Variants in PYGB observed in about 807,000 individuals in gnomAD.
The protein encoded by PYGB is glycogen phosphorylase, brain form.
A neutral mutation model predicts 94.3 loss-of-function variants in PYGB; 82 were observed. That is an observed-to-expected ratio of 0.87 (90% CI 0.73 to 1.04). The LOEUF is 1.04. Among genes scored for constraint, PYGB ranks in the 50% least tolerant of loss-of-function variants. PYGB has a pLI of 0.00. For missense variants in PYGB, 1,132 were observed against 1,158.2 expected (o/e 0.98, Z 0.33); for synonymous variants, 488 against 479.1 (o/e 1.02, Z -0.24).
intron 6 of PYGB, 117 bp downstream of exon 6, chr20:25,276,874 C>T: frequency 1.1e-6 from 1 of 895,706 alleles, no homozygotes. Context: ...GCGCGGCCCT[C>T]CTCTAGGGTG....
intron 1 of PYGB, among the ~76,000 whole-genome samples, chr20:25,253,859 A>T (rs1208113869): frequency 1.3e-5 from 2 of 151,882 alleles, no homozygotes; most frequent in Non-Finnish European, 2.9e-5. Flanking sequence ...TCTCCGAATC[A>T]TTTGAAAGTA....
intron 15 of PYGB, among the ~76,000 whole-genome samples, chr20:25,289,574 A>T (rs2088447375): frequency 6.6e-6 from 1 of 151,990 alleles, no homozygotes; most frequent in Admixed American, 6.6e-5. Flanking sequence ...GTCCTGGGTG[A>T]TTGAGGCTAT....
rs34204571 is a variant in PYGB, at chr20:25,266,252, ATTT to A, written c.346-2866_346-2864del. Reference sequence around the variant, plus strand: ...AGTTTGGTGTCATATAGATCAATTGATTTTTTTTTTTTTAAAGGAAATAGGTAC... The same window carrying A: ...AGTTTGGTGTCATATAGATCAATTGATTTTTTTTTTAAAGGAAATAGGTAC... On this transcript the variant is annotated intron_variant, in intron 2 of 19. Coordinates refer to ENST00000216962, the MANE Select transcript of PYGB (RefSeq NM_002862.4). 5.4e-5 allele frequency among the ~76,000 whole-genome samples: 8 copies of A among 149,338 alleles called. No individual in the cohort carries two copies. The East Asian group carries it at 1.6e-3, about 29-fold the overall frequency.
intron 14 of PYGB, among the ~76,000 whole-genome samples, chr20:25,284,666 T>TC (rs1395274469): frequency 6.6e-6 from 1 of 152,242 alleles, no homozygotes; most frequent in African/African-American, 2.4e-5. Context: ...CCTCAAGTGA[T>TC]CTACCCACTT....
intron 14 of PYGB, 74 bp downstream of exon 14, chr20:25,284,325 A>G: frequency 1.3e-6 from 2 of 1,544,162 alleles, no homozygotes; most frequent in Non-Finnish European, 1.8e-6. Context: ...CTGTGCACAG[A>G]CCCTGGGCCT....
chr20:25,280,504 T>TA, intron 10 of PYGB, 92 bp downstream of exon 10: 1 of 1,478,914 alleles, frequency 6.8e-7, no homozygotes, highest in Non-Finnish European at 9.2e-7. Context: ...GCTTTGCTCC[T>TA]TGAACGAGGC....
At position 25,248,309 on chromosome 20, in the gene PYGB, G is replaced by A. The variant is rs1269082189; in HGVS notation, c.131G>A (p.Arg44His). The A allele has an allele frequency of 3.1e-6, 5 of 1,604,350 alleles. No individual in the cohort carries two copies. The highest frequency in any genetic ancestry group is 2.3e-5 in the East Asian group (1 of 44,024). The part of the protein sequence containing the change: ...RHLHFTLVKD[R>H]NVATPRDYFF... ...TTGCACTTCACGCTGGTCAAGGACC[G>A]CAATGTGGCCACGCCCCGCGACTAC... The change falls in exon 1 of 20, where the codon CGC becomes CAC. Residue 44 changes from arginine (R) to histidine (H), a missense_variant. Physicochemically the swap from Arg to His is conservative, Grantham distance 29. Coordinates refer to ENST00000216962, the MANE Select transcript of PYGB (RefSeq NM_002862.4).
intron 5 of PYGB, among the ~76,000 whole-genome samples, chr20:25,275,414 G>A (rs764059653): frequency 5.3e-5 from 8 of 152,242 alleles, no homozygotes; most frequent in Non-Finnish European, 1.0e-4. Flanking sequence ...GGCAGGAGAG[G>A]CTGCAGGAGA....
At chr20:25,284,819 A>G (rs2088403189) in intron 14 of PYGB, 1 of 152,348 alleles carries the variant, frequency 6.6e-6, no homozygotes, top group Non-Finnish European at 1.5e-5. Flanking sequence ...GTATACTTAC[A>G]AAAATTAAGA....
At chr20:25,249,224 A>G (rs1186455152) in intron 1 of PYGB, among the ~76,000 whole-genome samples, 3 of 144,416 alleles carry the variant, frequency 2.1e-5, no homozygotes, top group Non-Finnish European at 4.8e-5. Context: ...AAAAAGTATA[A>G]TGCACATACA....
At chr20:25,284,025 A>G in intron 13 of PYGB, 79 bp from the exon 14 acceptor site, 1 of 1,544,972 alleles carries the variant, frequency 6.5e-7, no homozygotes, top group Non-Finnish European at 8.8e-7. Context: ...TTCACAGGGC[A>G]CTTGAAGCAG....
At chr20:25,268,552 C>T (rs2088239429) in intron 2 of PYGB, among the ~76,000 whole-genome samples, 1 of 152,038 alleles carries the variant, frequency 6.6e-6, no homozygotes, top group Non-Finnish European at 1.5e-5. Flanking sequence ...CTCTTTGGAT[C>T]CTTCTGAGAC....
intron 15 of PYGB, 59 bp from the exon 16 acceptor site, chr20:25,290,422 G>T (rs41282330): frequency 6.3e-7 from 1 of 1,575,630 alleles, no homozygotes; most frequent in Non-Finnish European, 8.7e-7. Context: ...AACCAGGAGC[G>T]CCTCCAAGGG....
Position 25,281,037 on chromosome 20 carries a change from C to A in PYGB, c.1328C>A (p.Ala443Asp). The A allele has an allele frequency of 1.9e-6, 3 of 1,614,190 alleles. No individual in the cohort carries two copies. The highest frequency in any genetic ancestry group is 2.5e-6 in the Non-Finnish European group (3 of 1,180,028). The change falls in exon 11 of 20, where the codon GCC (alanine) becomes GAC (aspartate). Residue 443 changes from alanine to aspartate, a missense_variant. Physicochemically the swap from Ala to Asp is moderately radical, Grantham distance 126. Coordinates refer to ENST00000216962, the MANE Select transcript of PYGB (RefSeq NM_002862.4). ...EEGDCKRINMAHLCVIGSHAV... is the reference protein window; with the variant it reads ...EEGDCKRINMDHLCVIGSHAV... ...GGGGACTGCAAGCGGATCAACATGG[C>A]CCACCTGTGTGTGATTGGGTCCCAT...
chr20:25,283,049 G>C, intron 12 of PYGB, 127 bp from the exon 13 acceptor site: 2 of 764,332 alleles, frequency 2.6e-6, no homozygotes, highest in African/African-American at 1.7e-5. Context: ...GATGCCCGGA[G>C]GGGCCGGACA....
In PYGB at chr20:25,295,169, G is replaced by A. The variant is rs970270257; in HGVS notation, c.2313-435G>A. The A allele has an allele frequency of 1.2e-4, 105 of 888,672 alleles. No homozygotes were observed. The South Asian group carries it at 1.4e-3, about 12-fold the overall frequency. The allele number at this position is 888,672 out of a possible 1,614,324, so 55.0% of individuals were successfully genotyped here. Reference sequence around the variant, plus strand: ...TCAGCACATCAGGAACTGCAAGTCAGTATTTCCTGTGTAGGCAAATCCCAG... The same window carrying A: ...TCAGCACATCAGGAACTGCAAGTCAATATTTCCTGTGTAGGCAAATCCCAG... On this transcript the variant is annotated intron_variant, in intron 18 of 19. Coordinates refer to ENST00000216962, the MANE Select transcript of PYGB (RefSeq NM_002862.4).
At chr20:25,293,082 TTAAAAA>T (rs1020050385) in intron 17 of PYGB, among the ~76,000 whole-genome samples, 2 of 144,638 alleles carry the variant, frequency 1.4e-5, no homozygotes, top group African/African-American at 5.1e-5. Context: ...TTAAAATTGT[TTAAAAA>T]TAGTATTTTG....
At chr20:25,257,035 C>G (rs2092904073) in intron 1 of PYGB, among the ~76,000 whole-genome samples, 1 of 152,138 alleles carries the variant, frequency 6.6e-6, no homozygotes, top group Admixed American at 6.5e-5. Flanking sequence ...CCAGGTCACC[C>G]AGCTAGCCAG....
intron 1 of PYGB, among the ~76,000 whole-genome samples, chr20:25,250,776 C>G (rs1316088122): frequency 2.6e-5 from 4 of 152,084 alleles, no homozygotes; most frequent in South Asian, 4.1e-4. Flanking sequence ...CTAAATAGAA[C>G]GCTTTTATTG....
Sources: allele counts gnomAD v4.1 joint callset (sites outside exome capture counted in the v4.1 genomes callset), GRCh38; gene constraint gnomAD v4.1.1; transcripts MANE v1.5; gene names NCBI Gene and HGNC (gene_info 2026-07-23, HGNC 2026-07-21).